Variants in ENDOU observed in about 807,000 individuals in gnomAD.
The protein encoded by ENDOU is endonuclease, poly(U) specific, also known as uridylate-specific endoribonuclease.
A neutral mutation model predicts 54.2 loss-of-function variants in ENDOU; 49 were observed. The ratio of observed to expected loss-of-function variants is 0.90; its 90% CI spans 0.72 to 1.15. ENDOU has a LOEUF of 1.15. Among genes scored for constraint, ENDOU ranks in the 50% most tolerant of loss-of-function variants. ENDOU has a pLI of 0.00. For missense variants in ENDOU, 458 were observed against 511.4 expected, an observed-to-expected ratio of 0.90 and a Z score of 1.01; for synonymous variants, 172 against 190.5, an observed-to-expected ratio of 0.90 and a Z score of 0.80.
At chr12:47,717,949 G>A (rs1176573600) in intron 3 of ENDOU, 180 bp downstream of exon 3, 2 of 626,104 alleles carry the variant, frequency 3.2e-6, no homozygotes, top group Non-Finnish European at 5.5e-6. Context: ...TCCTCCCATG[G>A]CCCCCCAGGC....
intron 2 of ENDOU, 81 bp from the exon 3 acceptor site, chr12:47,718,275 G>T: frequency 7.5e-7 from 1 of 1,325,622 alleles, no homozygotes; most frequent in Non-Finnish European, 1.1e-6. Flanking sequence ...TGTTTCCCCA[G>T]CCTCAGGGGA....
chr12:47,723,879 C>A (rs1465072814), intron 1 of ENDOU, among the ~76,000 whole-genome samples: 1 of 152,222 alleles, frequency 6.6e-6, no homozygotes, highest in Non-Finnish European at 1.5e-5. Context: ...ACATCCAGCT[C>A]ATAAAGGAGG....
rs1281041979 is a variant in ENDOU at position 47,710,919 on chromosome 12, C to T, written c.1116G>A (p.Val372=). 4 of 1,604,594 alleles carry T rather than the reference C, an allele frequency of 2.5e-6. No homozygotes were observed. The South Asian group carries it at 3.3e-5, about 13-fold the overall frequency. ...SLCFIARPGK[V]CQLSLGGYPL... is the part of the protein sequence containing the mutation. ...GATATCCTCCCAGGCTTAACTGGCACCTGTGGGGAAAGAGCCTGAAATCAG... is the reference window on the plus strand; with the variant it reads ...GATATCCTCCCAGGCTTAACTGGCATCTGTGGGGAAAGAGCCTGAAATCAG... The change falls in exon 10 of 10, where the codon GTG becomes GTA. Residue 372 remains valine (V), a splice_region_variant and synonymous_variant. Coordinates refer to ENST00000422538, the MANE Select transcript of ENDOU (RefSeq NM_001172439.2).
intron 8 of ENDOU, 135 bp downstream of exon 8, chr12:47,712,381 G>T: frequency 1.5e-6 from 1 of 659,634 alleles, no homozygotes; most frequent in Non-Finnish European, 2.7e-6. Context: ...TGTCTAGCAG[G>T]TGAGGACGTG....
intron 9 of ENDOU, 61 bp from the exon 10 acceptor site, chr12:47,710,980 TGGAA>T: frequency 1.7e-6 from 2 of 1,176,448 alleles, no homozygotes; most frequent in Non-Finnish European, 2.5e-6. Context: ...CTCCCTGGGC[TGGAA>T]GGATCAAGCC....
chr12:47,718,512 G>A (rs923090290), intron 2 of ENDOU, among the ~76,000 whole-genome samples: 1 of 152,168 alleles, frequency 6.6e-6, no homozygotes, highest in Non-Finnish European at 1.5e-5. Context: ...ATGGATAGAG[G>A]CTTGATGCTG....
At chr12:47,720,477 G>T (rs1940395527) in intron 2 of ENDOU, 3 of 303,422 alleles carry the variant, frequency 9.9e-6, no homozygotes, top group Non-Finnish European at 1.2e-5. Flanking sequence ...CCCTTTTTTA[G>T]AATTTAGTAC....
intron 6 of ENDOU, 21 bp downstream of exon 6, chr12:47,716,279 G>A (rs1340169581): frequency 3.1e-6 from 5 of 1,612,814 alleles, no homozygotes; most frequent in Non-Finnish European, 4.2e-6. Flanking sequence ...TGCGCTCTGG[G>A]GCCTGGGGGT....
At chr12:47,713,786 G>A (rs1940129305) in intron 6 of ENDOU, among the ~76,000 whole-genome samples, 1 of 151,688 alleles carries the variant, frequency 6.6e-6, no homozygotes, top group African/African-American at 2.4e-5. Flanking sequence ...AGGCCTCTGT[G>A]AAAAGGTAGC....
intron 7 of ENDOU, among the ~76,000 whole-genome samples, chr12:47,712,844 G>C (rs1006359499): frequency 6.6e-6 from 1 of 152,206 alleles, no homozygotes; most frequent in South Asian, 2.1e-4. Context: ...TCCTTCTGGT[G>C]ATCCTGATGA....
At chr12:47,719,432 G>C (rs1940360930) in intron 2 of ENDOU, among the ~76,000 whole-genome samples, 1 of 152,104 alleles carries the variant, frequency 6.6e-6, no homozygotes, top group Non-Finnish European at 1.5e-5. Context: ...TGGTGATATG[G>C]TTTGGCTGTG....
At position 47,716,899 on chromosome 12, in the gene ENDOU, C is replaced by T; in HGVS notation, c.542G>A (p.Cys181Tyr). 1 of 1,614,040 alleles carries T rather than the reference C, an allele frequency of 6.2e-7. No individual in the cohort carries two copies. The highest frequency in any genetic ancestry group is 8.5e-7 in the Non-Finnish European group (1 of 1,179,994). Residue 181 changes from cysteine to tyrosine, a missense_variant, in exon 5 of 10, where the codon TGC (cysteine) becomes TAC (tyrosine). Physicochemically the swap from Cys to Tyr is radical, Grantham distance 194. Coordinates refer to ENST00000422538, the MANE Select transcript of ENDOU (RefSeq NM_001172439.2). Reference protein sequence around the residue: ...PSETRNQVDRCPKPLFTYVNE... With the variant: ...PSETRNQVDRYPKPLFTYVNE... The stretch of plus-strand genomic sequence containing the variant: ...AATTGTGGGAACTCACGGCTTTGGG[C>T]AGCGATCCACTTGGTTTCTGGTCTC...
At chr12:47,718,697 G>T (rs147191970) in intron 2 of ENDOU, among the ~76,000 whole-genome samples, 19 of 152,254 alleles carry the variant, frequency 1.2e-4, no homozygotes, top group Non-Finnish European at 2.6e-4. Flanking sequence ...TAGGGAAAAG[G>T]CATGTTCAGA....
intron 4 of ENDOU, 131 bp from the exon 5 acceptor site, chr12:47,717,189 C>T: frequency 1.4e-6 from 1 of 735,302 alleles, no homozygotes; most frequent in Non-Finnish European, 2.4e-6. Context: ...CACAGTTGGA[C>T]ACCCTAGTGG....
chr12:47,713,505 C>G, intron 6 of ENDOU, 117 bp from the exon 7 acceptor site: 2 of 699,066 alleles, frequency 2.9e-6, no homozygotes, highest in South Asian at 3.2e-5. Flanking sequence ...TGGGTTCAAT[C>G]AACAAATGTG....
chr12:47,715,972 G>T (rs1044711896), intron 6 of ENDOU, among the ~76,000 whole-genome samples: 2 of 152,140 alleles, frequency 1.3e-5, no homozygotes, highest in African/African-American at 4.8e-5. Context: ...CGTGCTCTGG[G>T]TGGGGGTGGG....
Position 47,716,509 on chromosome 12 carries a change from G to T in ENDOU, c.552-10C>A. 1 of 1,612,336 alleles carries T rather than the reference G, an allele frequency of 6.2e-7. No individual in the cohort carries two copies. The highest frequency in any genetic ancestry group is 8.5e-7 in the Non-Finnish European group (1 of 1,179,558). On this transcript the variant is annotated splice_polypyrimidine_tract_variant and intron_variant, in intron 5 of 9. Coordinates refer to ENST00000422538, the MANE Select transcript of ENDOU (RefSeq NM_001172439.2). ...GACATAAGTGAAGAGTCTGGGGGAG[G>T]CAGAGGGGAGCCCCACTGAGAGCCC...
intron 9 of ENDOU, 133 bp downstream of exon 9, chr12:47,711,500 G>A (rs1430804353): frequency 9.3e-7 from 1 of 1,071,800 alleles, no homozygotes; most frequent in East Asian, 2.6e-5. Flanking sequence ...CAAGAGAACT[G>A]AGGCCCAAAG....
rs1262110787 is a variant in ENDOU, at chr12:47,720,862, G to C, written c.69C>G (p.Ser23=). ...CGLAWAGKIE[S]CASRCNEKFN... The stretch of plus-strand genomic sequence containing the variant: ...ATTTCTCATTACATCGAGATGCACA[G>C]GATTCTATTTTTCCTATGGGCAGTA... Residue 23 remains serine, a synonymous_variant, in exon 2 of 10, where the codon TCC becomes TCG. Transcript: ENST00000422538. 1 of 1,536,104 alleles carries C rather than the reference G, an allele frequency of 6.5e-7. No individual in the cohort carries two copies. The highest frequency in any genetic ancestry group is 2.4e-5 in the East Asian group (1 of 40,918).
Sources: allele counts gnomAD v4.1 joint callset (sites outside exome capture counted in the v4.1 genomes callset), GRCh38; gene constraint gnomAD v4.1.1; transcripts MANE v1.5; gene names NCBI Gene and HGNC (gene_info 2026-07-23, HGNC 2026-07-21).